The following RPS6KC1 variants were observed in gnomAD, a reference collection of about 807,000 sequenced individuals.
RPS6KC1 encodes ribosomal protein S6 kinase C1.
RPS6KC1 carries 54 observed loss-of-function variants against 103.8 expected under a neutral mutation model. The observed-to-expected ratio is 0.52, with a 90% confidence interval of 0.42 to 0.65. RPS6KC1 has a LOEUF of 0.65. Among genes scored for constraint, RPS6KC1 ranks in the 30% least tolerant of loss-of-function variants. RPS6KC1 has a pLI of 0.00. For missense variants in RPS6KC1, 1,151 were observed against 1,253.8 expected, an observed-to-expected ratio of 0.92 and a Z score of 1.24; for synonymous variants, 439 against 438.7, an observed-to-expected ratio of 1.00 and a Z score of -0.01.
chr1:213,773,005 C>T, the RPS6KC1 span, among the ~76,000 whole-genome samples: 1 of 152,160 alleles, frequency 6.6e-6, no homozygotes, highest in Non-Finnish European at 1.5e-5. Context: ...TTTGTTGCCA[C>T]CGCTCAACGT....
intron 8 of RPS6KC1, among the ~76,000 whole-genome samples, chr1:213,182,767 A>C (rs977829761): frequency 1.3e-5 from 2 of 149,068 alleles, no homozygotes; most frequent in Admixed American, 1.4e-4. Flanking sequence ...ATATCATGAT[A>C]CATATATATC....
At chr1:213,328,829 C>T in the RPS6KC1 span, among the ~76,000 whole-genome samples, 1 of 151,926 alleles carries the variant, frequency 6.6e-6, no homozygotes, top group East Asian at 1.9e-4. Context: ...CAGGGTGGTC[C>T]CTACTAAGTG....
chr1:213,613,567 C>T, the RPS6KC1 span, among the ~76,000 whole-genome samples: 1 of 152,230 alleles, frequency 6.6e-6, no homozygotes, highest in Non-Finnish European at 1.5e-5. Flanking sequence ...CCATAATTGG[C>T]AGTGTCCAGT....
At chr1:213,550,105 T>A in the RPS6KC1 span, among the ~76,000 whole-genome samples, 1 of 152,152 alleles carries the variant, frequency 6.6e-6, no homozygotes, top group Non-Finnish European at 1.5e-5. Flanking sequence ...CAGCTCTCAT[T>A]TACTGAAGTT....
At chr1:213,302,189 C>T in the RPS6KC1 span, among the ~76,000 whole-genome samples, 1 of 152,202 alleles carries the variant, frequency 6.6e-6, no homozygotes, top group Non-Finnish European at 1.5e-5. Flanking sequence ...TCAGTGTGAA[C>T]AGAGGAAAGT....
At chr1:213,860,197 G>C in the RPS6KC1 span, among the ~76,000 whole-genome samples, 1 of 150,950 alleles carries the variant, frequency 6.6e-6, no homozygotes, top group Non-Finnish European at 1.5e-5. Context: ...TAAATATCAA[G>C]AGTAGGCTTA....
At chr1:213,098,956 T>A (rs1224917978) in intron 3 of RPS6KC1, among the ~76,000 whole-genome samples, 1 of 152,244 alleles carries the variant, frequency 6.6e-6, no homozygotes, top group Admixed American at 6.5e-5. Context: ...TTTCTATGTT[T>A]CTATGTCTAT....
chr1:213,766,058 TTAAAATTCAATCCA>T, the RPS6KC1 span, among the ~76,000 whole-genome samples: 1 of 152,116 alleles, frequency 6.6e-6, no homozygotes, highest in Non-Finnish European at 1.5e-5. Context: ...TGGGGATATT[TTAAAATTCAATCCA>T]TAATGTTAGC....
the RPS6KC1 span, among the ~76,000 whole-genome samples, chr1:213,503,856 A>C: frequency 6.6e-6 from 1 of 152,236 alleles, no homozygotes; most frequent in Non-Finnish European, 1.5e-5. Flanking sequence ...GTATCTGTTA[A>C]AATTACAAAG....
At chr1:213,473,219 C>A in the RPS6KC1 span, among the ~76,000 whole-genome samples, 1 of 152,240 alleles carries the variant, frequency 6.6e-6, no homozygotes. Context: ...AAAGCCAACA[C>A]CAATCAAGCT....
the RPS6KC1 span, among the ~76,000 whole-genome samples, chr1:213,764,520 A>G: frequency 6.6e-6 from 1 of 151,922 alleles, no homozygotes; most frequent in Non-Finnish European, 1.5e-5. Context: ...GACTCAAATG[A>G]CCTCCTCTGT....
chr1:213,249,166 A>C (rs965244837), intron 12 of RPS6KC1, among the ~76,000 whole-genome samples: 1 of 152,186 alleles, frequency 6.6e-6, no homozygotes, highest in Non-Finnish European at 1.5e-5. Context: ...TTTGTCAACT[A>C]TTCAGTAATT....
At chr1:213,225,741 G>A (rs2093945567) in intron 8 of RPS6KC1, among the ~76,000 whole-genome samples, 1 of 152,172 alleles carries the variant, frequency 6.6e-6, no homozygotes, top group Non-Finnish European at 1.5e-5. Context: ...AGTGAGATCA[G>A]TAAGGAGGTA....
the RPS6KC1 span, among the ~76,000 whole-genome samples, chr1:213,337,524 G>A: frequency 6.6e-6 from 1 of 152,152 alleles, no homozygotes; most frequent in Admixed American, 6.5e-5. Context: ...GACACAGGAG[G>A]TACGGGCAGC....
chr1:213,349,969 A>T, the RPS6KC1 span, among the ~76,000 whole-genome samples: 1 of 152,002 alleles, frequency 6.6e-6, no homozygotes, highest in East Asian at 1.9e-4. Context: ...ATCCTGTCTC[A>T]CCCAACTCAT....
chr1:213,536,720 T>C, the RPS6KC1 span, among the ~76,000 whole-genome samples: 7 of 152,328 alleles, frequency 4.6e-5, no homozygotes, highest in East Asian at 1.4e-3. Flanking sequence ...TCTTTCCTTC[T>C]TGACATATGC....
the RPS6KC1 span, among the ~76,000 whole-genome samples, chr1:213,816,866 C>T: frequency 6.6e-6 from 1 of 152,148 alleles, no homozygotes; most frequent in Non-Finnish European, 1.5e-5. Flanking sequence ...TCTGTGTATC[C>T]AAGTGCTGTG....
the RPS6KC1 span, among the ~76,000 whole-genome samples, chr1:213,705,783 G>A: frequency 2.0e-5 from 3 of 152,266 alleles, no homozygotes; most frequent in South Asian, 6.2e-4. Flanking sequence ...AGGGCCCAAG[G>A]ACTCTCCAGT....
chr1:213,157,215 A>ATTTTTTT (rs566969624), intron 6 of RPS6KC1, among the ~76,000 whole-genome samples: 1 of 141,122 alleles, frequency 7.1e-6, no homozygotes. Flanking sequence ...CCAATTTTTA[A>ATTTTTTT]TTTTTTTTTT....
Sources: allele counts gnomAD v4.1 joint callset (sites outside exome capture counted in the v4.1 genomes callset), GRCh38; gene constraint gnomAD v4.1.1; transcripts MANE v1.5; gene names NCBI Gene and HGNC (gene_info 2026-07-23, HGNC 2026-07-21).